Variants in PRKCE observed in about 807,000 individuals in gnomAD.
PRKCE encodes the protein protein kinase C epsilon type.
PRKCE carries 16 observed loss-of-function variants against 85.4 expected under a neutral mutation model. The observed-to-expected ratio is 0.19, with a 90% CI of 0.13 to 0.28. The LOEUF is 0.28. Among genes scored for constraint, PRKCE ranks in the 10% least tolerant of loss-of-function variants. The pLI is 1.00. For synonymous variants in PRKCE, 388 were observed against 371.5 expected (o/e 1.04, Z -0.51); for missense variants, 573 against 975.2 (o/e 0.59, Z 5.49).
intron 11 of PRKCE, among the ~76,000 whole-genome samples, chr2:46,124,409 A>G (rs186132543): frequency 1.2e-4 from 18 of 152,262 alleles, no homozygotes; most frequent in African/African-American, 4.1e-4. Flanking sequence ...GCCTTCCGAG[A>G]TGTAATAAGG....
chr2:46,092,359 A>T (rs891183730), intron 11 of PRKCE, among the ~76,000 whole-genome samples: 2 of 152,192 alleles, frequency 1.3e-5, no homozygotes, highest in Non-Finnish European at 2.9e-5. Context: ...TTGATCTCTA[A>T]TGAGCCCTTA....
chr2:46,066,587 G>A (rs1312800113), intron 10 of PRKCE, among the ~76,000 whole-genome samples: 1 of 152,068 alleles, frequency 6.6e-6, no homozygotes, highest in Non-Finnish European at 1.5e-5. Context: ...TAGTGCTTGG[G>A]GCATAGTCTG....
intron 2 of PRKCE, among the ~76,000 whole-genome samples, chr2:45,912,609 C>T (rs1467757149): frequency 6.6e-6 from 1 of 152,074 alleles, no homozygotes. Flanking sequence ...CTGGAAGGAG[C>T]CAACCTGGGG....
intron 2 of PRKCE, among the ~76,000 whole-genome samples, chr2:45,878,570 T>C (rs1694647443): frequency 1.3e-5 from 2 of 152,118 alleles, no homozygotes; most frequent in South Asian, 2.1e-4. Context: ...TCAATTTCCC[T>C]AGATCTTCAC....
At chr2:46,006,455 T>G (rs1397176735) in intron 8 of PRKCE, among the ~76,000 whole-genome samples, 1 of 150,030 alleles carries the variant, frequency 6.7e-6, no homozygotes, top group Non-Finnish European at 1.5e-5. Flanking sequence ...CTAGGAAAGA[T>G]CTCCGGATTC....
chr2:45,659,035 T>C (rs1167045321), intron 1 of PRKCE, among the ~76,000 whole-genome samples: 1 of 152,234 alleles, frequency 6.6e-6, no homozygotes, highest in Non-Finnish European at 1.5e-5. Context: ...TCTAGTTTCA[T>C]GGATTTAAAT....
chr2:45,863,144 A>G (rs1693305080), intron 2 of PRKCE, among the ~76,000 whole-genome samples: 1 of 152,112 alleles, frequency 6.6e-6, no homozygotes, highest in African/African-American at 2.4e-5. Flanking sequence ...TTGGGTATGC[A>G]GAATTAGGCT....
At chr2:46,021,841 T>C (rs1244247668) in intron 10 of PRKCE, among the ~76,000 whole-genome samples, 1 of 152,166 alleles carries the variant, frequency 6.6e-6, no homozygotes, top group Non-Finnish European at 1.5e-5. Flanking sequence ...TTTTTGTGTG[T>C]GTGTGTCCAG....
chr2:45,739,994 A>T (rs1682416149), intron 1 of PRKCE, among the ~76,000 whole-genome samples: 1 of 152,174 alleles, frequency 6.6e-6, no homozygotes, highest in Non-Finnish European at 1.5e-5. Flanking sequence ...AAGAACAAGA[A>T]ACCACAAAGT....
intron 1 of PRKCE, among the ~76,000 whole-genome samples, chr2:45,842,254 G>C (rs1299087517): frequency 6.6e-6 from 1 of 152,168 alleles, no homozygotes; most frequent in African/African-American, 2.4e-5. Context: ...TGCCTGTGCT[G>C]TTTCTTACGC....
chr2:46,174,806 C>T (rs1679264898), intron 14 of PRKCE, among the ~76,000 whole-genome samples: 1 of 152,178 alleles, frequency 6.6e-6, no homozygotes, highest in African/African-American at 2.4e-5. Context: ...CCTCACACCT[C>T]CGCCTCCTGA....
intron 2 of PRKCE, among the ~76,000 whole-genome samples, chr2:45,945,006 T>G (rs1442654564): frequency 6.6e-6 from 1 of 152,110 alleles, no homozygotes; most frequent in Admixed American, 6.5e-5. Context: ...CTTCCACTTC[T>G]TGTTCCTCTT....
At chr2:45,720,372 A>G (rs921967744) in intron 1 of PRKCE, among the ~76,000 whole-genome samples, 2 of 151,818 alleles carry the variant, frequency 1.3e-5, no homozygotes, top group African/African-American at 4.8e-5. Context: ...GCTTCTAGGG[A>G]TTTGAGGGCT....
intron 11 of PRKCE, among the ~76,000 whole-genome samples, chr2:46,120,215 A>C (rs1349511590): frequency 2.0e-5 from 3 of 152,138 alleles, no homozygotes; most frequent in Admixed American, 6.5e-5. Context: ...CCCAGTGAAA[A>C]GTGGTTCTTG....
At chr2:45,885,766 C>T (rs61011609) in intron 2 of PRKCE, among the ~76,000 whole-genome samples, 4,765 of 152,276 alleles carry the variant, frequency 0.031, 191 homozygotes, top group African/African-American at 0.091. Flanking sequence ...AATGGTTTCT[C>T]TTACAGTTAA....
At chr2:46,027,223 T>C (rs1707181396) in intron 10 of PRKCE, among the ~76,000 whole-genome samples, 3 of 152,082 alleles carry the variant, frequency 2.0e-5, no homozygotes, top group Admixed American at 2.0e-4. Context: ...TAGTCCCAGC[T>C]ATTCGGGAGG....
chr2:45,891,912 C>G (rs557816106), intron 2 of PRKCE, among the ~76,000 whole-genome samples: 1 of 152,190 alleles, frequency 6.6e-6, no homozygotes, highest in Non-Finnish European at 1.5e-5. Flanking sequence ...TTCAGTGGCT[C>G]CCGTCCCCAC....
At chr2:45,882,837 A>G (rs138306064) in intron 2 of PRKCE, among the ~76,000 whole-genome samples, 2 of 152,350 alleles carry the variant, frequency 1.3e-5, no homozygotes, top group Non-Finnish European at 2.9e-5. Flanking sequence ...GATTCCAGGG[A>G]AGCTCTGGCT....
At chr2:46,133,985 T>A (rs1268838774) in intron 11 of PRKCE, among the ~76,000 whole-genome samples, 1 of 152,190 alleles carries the variant, frequency 6.6e-6, no homozygotes, top group Non-Finnish European at 1.5e-5. Context: ...AGGGTGTTGC[T>A]TGGTTCTCTT....
Sources: gnomAD v4.1 joint callset for allele counts (sites outside exome capture counted in the v4.1 genomes callset) on GRCh38, gnomAD v4.1.1 for gene constraint, MANE v1.5 for transcripts, NCBI Gene and HGNC (gene_info 2026-07-23, HGNC 2026-07-21) for gene names.